The following RNPS1 variants were observed in gnomAD, a reference collection of about 807,000 sequenced individuals.
RNPS1 encodes RNA-binding protein with serine-rich domain 1.
For missense variants in RNPS1, 300 were observed against 427.6 expected, an observed-to-expected ratio of 0.70 and a Z score of 2.63; for synonymous variants, 147 against 150.0, an observed-to-expected ratio of 0.98 and a Z score of 0.15.
In RNPS1 at chr16:2,262,308, C is replaced by T; in HGVS notation, c.646G>A (p.Ala216Thr). Reference protein sequence around the residue: ...AYVEFENPDEAEKALKHMDGG... With the variant: ...AYVEFENPDETEKALKHMDGG... ...TCCATGTGCTTCAGCGCCTTCTCGG[C>T]TTCATCTGGATTCTCAAACTCTACG... Residue 216 changes from alanine (A) to threonine (T), a missense_variant, in exon 6 of 8, where the codon GCC (alanine) becomes ACC (threonine). Physicochemically the swap from Ala to Thr is moderately conservative, Grantham distance 58 (BLOSUM62 0). Transcript: ENST00000320225. The T allele has an allele frequency of 6.2e-7, 1 of 1,613,616 alleles. No homozygotes were observed. Among genetic ancestry groups the T allele is most frequent in the Non-Finnish European group, 8.5e-7 (1 of 1,180,030 alleles).
rs155252 is a variant in RNPS1, at chr16:2,260,927, C to T, written c.676+1351G>A. Among the ~76,000 whole-genome samples the T allele has an allele frequency of 2.6e-5, 4 of 152,040 alleles. No individual in the cohort carries two copies. The South Asian group carries it at 8.3e-4, about 31-fold the overall frequency. On this transcript the variant is annotated intron_variant, in intron 6 of 7. Coordinates refer to ENST00000320225, the MANE Select transcript of RNPS1 (RefSeq NM_080594.4). ...AGGCGGATCACAAGGTCAGGAGATC[C>T]AGACCATCCTGGCTAACACGGTGAA...
At chr16:2,256,045 A>C in intron 6 of RNPS1, 1 of 312,386 alleles carries the variant, frequency 3.2e-6, no homozygotes, top group Non-Finnish European at 6.1e-6. Context: ...GAATGGCGTG[A>C]ACCCGGGAGG....
chr16:2,267,684 G>A (rs2093630602), intron 1 of RNPS1: 1 of 1,163,100 alleles, frequency 8.6e-7, no homozygotes, highest in Admixed American at 5.0e-5. Flanking sequence ...CCAGGCGCCG[G>A]GCCGCGAGCG....
chr16:2,266,484 T>A (rs2093625699), intron 1 of RNPS1: 2 of 951,562 alleles, frequency 2.1e-6, no homozygotes, highest in Admixed American at 6.2e-5. Flanking sequence ...AAGTCACTTA[T>A]CCTTTCTCAA....
chr16:2,260,156 T>C (rs952577093), intron 6 of RNPS1, among the ~76,000 whole-genome samples: 1 of 136,614 alleles, frequency 7.3e-6, no homozygotes, highest in Non-Finnish European at 1.6e-5. Flanking sequence ...TCTTTTTTTT[T>C]TTTTTTTTTT....
intron 6 of RNPS1, chr16:2,256,457 C>A (rs535934869): frequency 1.3e-5 from 2 of 152,606 alleles, no homozygotes; most frequent in East Asian, 3.9e-4. Flanking sequence ...ACTCGGGAGG[C>A]TGAGGCAAAA....
At chr16:2,255,108 C>T (rs1445179870) in intron 7 of RNPS1, among the ~76,000 whole-genome samples, 2 of 152,204 alleles carry the variant, frequency 1.3e-5, no homozygotes, top group South Asian at 2.1e-4. Flanking sequence ...CTCTTGGGAA[C>T]GGGTGCTTGT....
At chr16:2,265,965 T>C (rs2093623532) in intron 1 of RNPS1, 1 of 296,418 alleles carries the variant, frequency 3.4e-6, no homozygotes, top group Admixed American at 6.5e-5. Flanking sequence ...CGGTAACAAA[T>C]TACTCAAAAA....
intron 6 of RNPS1, among the ~76,000 whole-genome samples, chr16:2,260,147 C>CTTTTTTT (rs776703032): frequency 1.4e-5 from 1 of 72,432 alleles, no homozygotes; most frequent in Non-Finnish European, 2.9e-5. Flanking sequence ...TGTGTGTATT[C>CTTTTTTT]TTTTTTTTTT....
chr16:2,264,783 T>C, intron 1 of RNPS1, 23 bp from the exon 2 acceptor site: 1 of 1,475,074 alleles, frequency 6.8e-7, no homozygotes, highest in Non-Finnish European at 8.9e-7. Context: ...TAAAAGGGTT[T>C]AAAGAGTGAA....
In RNPS1 at chr16:2,253,849, A is replaced by G; in HGVS notation, c.*115T>C. 2 of 968,484 alleles carry G rather than the reference A, an allele frequency of 2.1e-6. No individual in the cohort carries two copies. Among genetic ancestry groups the G allele is most frequent in the Non-Finnish European group, 3.3e-6 (2 of 614,490 alleles). The allele number at this position is 968,484 out of a possible 1,614,324, so 60.0% of individuals were successfully genotyped here. ...CAGAGGGGTGCTGCCTGCTGCCTGC[A>G]AATCCTGCCAGAGTCAAGGGTTTGC... On this transcript the variant is annotated 3_prime_UTR_variant, in exon 8 of 8. Transcript: ENST00000320225.
At chr16:2,254,903 G>C (rs549221385) in intron 7 of RNPS1, among the ~76,000 whole-genome samples, 198 of 150,900 alleles carry the variant, frequency 1.3e-3, no homozygotes, top group Non-Finnish European at 2.3e-3. Context: ...CACCACGCCC[G>C]GCTAATTTTT....
chr16:2,262,259 A>C lies in RNPS1; in HGVS notation c.676+19T>G. ...GGCGGGTCTCTGAGAGGTCAGGGTTATGTGGCAGGGTCACCCACCTCCATC... is the reference window on the plus strand; with the variant it reads ...GGCGGGTCTCTGAGAGGTCAGGGTTCTGTGGCAGGGTCACCCACCTCCATC... On this transcript the variant is annotated intron_variant, in intron 6 of 7. Coordinates refer to ENST00000320225, the MANE Select transcript of RNPS1 (RefSeq NM_080594.4). The C allele has an allele frequency of 6.2e-7, 1 of 1,611,224 alleles. No homozygotes were observed. The highest frequency in any genetic ancestry group is 8.5e-7 in the Non-Finnish European group (1 of 1,179,106).
chr16:2,264,039 C>A, intron 3 of RNPS1, 137 bp downstream of exon 3: 1 of 1,070,462 alleles, frequency 9.3e-7, no homozygotes, highest in Non-Finnish European at 1.3e-6. Context: ...AGCCAGTCTG[C>A]CATAAATTAG....
rs148412140 is a variant in RNPS1, at chr16:2,267,465, T to C, written c.-118+590A>G. ...GAGCTCGGCCACCGTGCTCGGTCCA[T>C]AGTGGGCCGTATCCCCACGGCCTAG... On this transcript the variant is annotated intron_variant, in intron 1 of 7. Coordinates refer to ENST00000320225, the MANE Select transcript of RNPS1 (RefSeq NM_080594.4). 429 of 971,848 alleles carry C rather than the reference T, an allele frequency of 4.4e-4. 3 individuals carry two copies. The African/African-American group carries it at 6.8e-3, about 16-fold the overall frequency. The allele number at this position is 971,848 out of a possible 1,614,324, so 60.2% of individuals were successfully genotyped here.
Position 2,268,044 on chromosome 16 carries a change from C to T in RNPS1, c.-118+11G>A, listed in dbSNP as rs1301954078. 34 of 1,534,416 alleles carry T rather than the reference C, an allele frequency of 2.2e-5. No homozygotes were observed. The highest frequency in any genetic ancestry group is 2.8e-5 in the Non-Finnish European group (32 of 1,146,668). On this transcript the variant is annotated intron_variant, in intron 1 of 7. Coordinates refer to ENST00000320225, the MANE Select transcript of RNPS1 (RefSeq NM_080594.4). Reference sequence around the variant, plus strand: ...GAAACACGGATGCAGTCGGATTCCGCCCCAACTTACATCTTCCCGCCGCCG... The same window carrying T: ...GAAACACGGATGCAGTCGGATTCCGTCCCAACTTACATCTTCCCGCCGCCG...
chr16:2,263,773 C>T (rs12444273), intron 3 of RNPS1: 86,479 of 247,226 alleles, frequency 0.35, 17,766 homozygotes, highest in Admixed American at 0.47. Flanking sequence ...CCACCACACC[C>T]GGCTAGTTTT....
chr16:2,262,863 C>A (rs776119577), intron 4 of RNPS1, 21 bp from the exon 5 acceptor site: 2 of 1,597,036 alleles, frequency 1.3e-6, no homozygotes, highest in Non-Finnish European at 1.7e-6. Context: ...AAACAAAACA[C>A]CAGAAACAAT....
intron 1 of RNPS1, chr16:2,266,856 A>T (rs1322784302): frequency 4.9e-6 from 2 of 404,264 alleles, no homozygotes; most frequent in African/African-American, 2.2e-5. Flanking sequence ...ACATCTAATA[A>T]AAGTTTGCTT....
Sources: allele counts gnomAD v4.1 joint callset (sites outside exome capture counted in the v4.1 genomes callset), GRCh38; gene constraint gnomAD v4.1.1; transcripts MANE v1.5; gene names NCBI Gene and HGNC (gene_info 2026-07-23, HGNC 2026-07-21).